Variants in DDX43 observed in about 807,000 individuals in gnomAD.
The protein encoded by DDX43 is DEAD-box helicase 43.
Under a neutral mutation model 84.9 loss-of-function variants are expected in DDX43, and 50 were observed. The observed-to-expected ratio is 0.59, with a 90% CI of 0.47 to 0.75. DDX43 has a LOEUF of 0.75. Among genes scored for constraint, DDX43 ranks in the 30% least tolerant of loss-of-function variants. The pLI, the probability that DDX43 is intolerant of heterozygous loss-of-function variation, is 0.00. For synonymous variants in DDX43, 291 were observed against 266.3 expected (o/e 1.09, Z -0.90); for missense variants, 689 against 798.6 (o/e 0.86, Z 1.65).
chr6:73,408,651 G>C (rs759151359), intron 9 of DDX43, among the ~76,000 whole-genome samples: 6 of 151,804 alleles, frequency 4.0e-5, no homozygotes, highest in Non-Finnish European at 7.4e-5. Flanking sequence ...TCGCCTCCCA[G>C]GTTCAAGTGA....
Position 73,405,695 on chromosome 6 carries a change from A to G in DDX43, c.667A>G (p.Ile223Val), listed in dbSNP as rs756274624. Reference protein sequence around the residue: ...ADSWRKENFNITWDDLKDGEK... With the variant: ...ADSWRKENFNVTWDDLKDGEK... ...TCTTTGAAGGAAAGAAAATTTTAAT[A>G]TAACGTGGGATGACTTGAAGGATGG... The change falls in exon 6 of 17, where the codon ATA becomes GTA. Residue 223 changes from isoleucine to valine, a missense_variant. Transcript: ENST00000370336. The G allele has an allele frequency of 1.6e-5, 25 of 1,612,158 alleles. No homozygotes were observed. The highest frequency in any genetic ancestry group is 9.4e-5 in the African/African-American group (7 of 74,754).
At chr6:73,395,483 G>T (rs1389265325) in intron 1 of DDX43, among the ~76,000 whole-genome samples, 1 of 151,820 alleles carries the variant, frequency 6.6e-6, no homozygotes, top group African/African-American at 2.4e-5. Context: ...GCGTGGTGGC[G>T]CGCGCCTGTA....
At chr6:73,405,421 T>C (rs1769657238) in intron 5 of DDX43, among the ~76,000 whole-genome samples, 1 of 152,248 alleles carries the variant, frequency 6.6e-6, no homozygotes, top group Non-Finnish European at 1.5e-5. Context: ...ATTTTCAGGC[T>C]CCTCATCTTT....
Position 73,401,924 on chromosome 6 carries a change from C to G in DDX43, c.502C>G (p.Arg168Gly), listed in dbSNP as rs541292561. Residue 168 changes from arginine (R) to glycine (G), a missense_variant, in exon 4 of 17, where the codon CGG becomes GGG. Transcript: ENST00000370336. ...AGATAACAATGTTGTTGCAGGAGAT[C>G]GGCCATTGATAGATTGGGATCAAAT... is the stretch of plus-strand genomic sequence containing the variant. ...STDNNVVAGDRPLIDWDQIRE... is the reference protein window; with the variant it reads ...STDNNVVAGDGPLIDWDQIRE... 3.1e-6 allele frequency: 5 copies of G among 1,613,884 alleles called. No homozygotes were observed. The highest frequency in any genetic ancestry group is 2.7e-5 in the African/African-American group (2 of 74,968).
At chr6:73,410,306 A>G (rs1308684299) in intron 10 of DDX43, among the ~76,000 whole-genome samples, 1 of 152,084 alleles carries the variant, frequency 6.6e-6, no homozygotes, top group Non-Finnish European at 1.5e-5. Context: ...AGCTGGGACT[A>G]CAGGCACACG....
chr6:73,397,754 C>CT lies in DDX43; in HGVS notation c.306+11dup. On this transcript the variant is annotated intron_variant, in intron 2 of 16. Coordinates refer to ENST00000370336, the MANE Select transcript of DDX43 (RefSeq NM_018665.3). ...AAACACCACAATCCAAGTAAGCCAT[C>CT]TGTGTTTTTCGGCCCTTAAGAGAGC... is the stretch of plus-strand genomic sequence containing the variant. The CT allele has an allele frequency of 1.2e-6, 2 of 1,613,118 alleles. No individual in the cohort carries two copies. The highest frequency in any genetic ancestry group is 1.6e-4 in the Middle Eastern group (1 of 6,062).
chr6:73,405,699 C>A lies in DDX43; in HGVS notation c.671C>A (p.Thr224Lys). 1 of 1,613,628 alleles carries A rather than the reference C, an allele frequency of 6.2e-7. No homozygotes were observed. Among genetic ancestry groups the A allele is most frequent in the Non-Finnish European group, 8.5e-7 (1 of 1,179,836 alleles). The change falls in exon 6 of 17, where the codon ACG (threonine) becomes AAG (lysine). Residue 224 changes from threonine to lysine, a missense_variant. Coordinates refer to ENST00000370336, the MANE Select transcript of DDX43 (RefSeq NM_018665.3). ...DSWRKENFNI[T>K]WDDLKDGEKR... ...TGAAGGAAAGAAAATTTTAATATAA[C>A]GTGGGATGACTTGAAGGATGGGGAG...
intron 10 of DDX43, among the ~76,000 whole-genome samples, chr6:73,410,011 CAA>C (rs983347893): frequency 1.7e-5 from 2 of 118,966 alleles, no homozygotes; most frequent in African/African-American, 3.3e-5. Context: ...GTCTGGGCAA[CAA>C]GAGTGAAAAT....
At chr6:73,407,663 A>G in intron 8 of DDX43, 48 bp downstream of exon 8, 1 of 1,286,150 alleles carries the variant, frequency 7.8e-7, no homozygotes, top group East Asian at 2.3e-5. Flanking sequence ...TATTTTAATC[A>G]TTTGTAGCTT....
At position 73,395,083 on chromosome 6, in the gene DDX43, G is replaced by A. The variant is rs774162904; in HGVS notation, c.178G>A (p.Ala60Thr). ...RWRGTSRPPE[A>T]VAAGHEELPL... Reference sequence around the variant, plus strand: ...GAGAGGCACCTCTAGGCCCCCGGAGGCCGTGGCCGCTGGTCACGAGGAACT... The same window carrying A: ...GAGAGGCACCTCTAGGCCCCCGGAGACCGTGGCCGCTGGTCACGAGGAACT... The change falls in exon 1 of 17, where the codon GCC (alanine) becomes ACC (threonine). Residue 60 changes from alanine (A) to threonine (T), a missense_variant. Around this residue, in one of 2 missense-constraint regions of DDX43, gnomAD observed 137 missense variants for 105.9 expected, o/e 1.29. Transcript: ENST00000370336. 2.1e-5 allele frequency: 34 copies of A among 1,614,184 alleles called. No homozygotes were observed. The highest frequency in any genetic ancestry group is 2.6e-5 in the Non-Finnish European group (31 of 1,179,994).
At chr6:73,401,636 A>G (rs1025170712) in intron 3 of DDX43, among the ~76,000 whole-genome samples, 1 of 152,050 alleles carries the variant, frequency 6.6e-6, no homozygotes, top group Non-Finnish European at 1.5e-5. Context: ...CCCCGTCTCT[A>G]CTATAAAATA....
intron 7 of DDX43, 145 bp downstream of exon 7, chr6:73,406,627 T>A (rs1582638679): frequency 1.7e-6 from 1 of 573,678 alleles, no homozygotes; most frequent in East Asian, 3.1e-5. Flanking sequence ...ACACTTAGAT[T>A]GTGCTGGTGA....
chr6:73,401,828 A>T, intron 3 of DDX43, 31 bp from the exon 4 acceptor site: 1 of 1,567,622 alleles, frequency 6.4e-7, no homozygotes. Context: ...AAAAATAGAA[A>T]AAAACTAATC....
chr6:73,407,848 C>G (rs1468187295), intron 8 of DDX43, 112 bp from the exon 9 acceptor site: 2 of 1,040,800 alleles, frequency 1.9e-6, no homozygotes, highest in East Asian at 2.4e-5. Context: ...CAGAAAGGGG[C>G]AGATACCCCT....
At chr6:73,396,442 T>C (rs527473292) in intron 1 of DDX43, among the ~76,000 whole-genome samples, 2 of 152,156 alleles carry the variant, frequency 1.3e-5, no homozygotes, top group African/African-American at 2.4e-5. Context: ...ACCCAGAGAC[T>C]CATTGGCCTT....
At position 73,394,917 on chromosome 6, in the gene DDX43, C is replaced by G; in HGVS notation, c.12C>G (p.His4Gln). 6.2e-7 allele frequency: 1 copy of G among 1,614,184 alleles called. No individual in the cohort carries two copies. The highest frequency in any genetic ancestry group is 8.5e-7 in the Non-Finnish European group (1 of 1,180,012). Reference sequence around the variant, plus strand: ...CCCTTCTTGGAACAATGTCCCACCACGGAGGAGCTCCCAAGGCCTCTACGT... The same window carrying G: ...CCCTTCTTGGAACAATGTCCCACCAGGGAGGAGCTCCCAAGGCCTCTACGT... MSH[H>Q]GGAPKASTWV... Residue 4 changes from histidine (H) to glutamine (Q), a missense_variant, in exon 1 of 17, where the codon CAC (histidine) becomes CAG (glutamine). This residue lies in a region of DDX43 where 137 missense variants were observed against 105.9 expected (regional missense o/e 1.29). Transcript: ENST00000370336.
At chr6:73,405,908 A>T in intron 6 of DDX43, 73 bp downstream of exon 6, 1 of 1,399,174 alleles carries the variant, frequency 7.1e-7, no homozygotes, top group South Asian at 1.3e-5. Context: ...TTGTTAGAAG[A>T]CTCCAGGGAG....
Position 73,407,600 on chromosome 6 carries a change from A to T in DDX43, c.1022A>T (p.Tyr341Phe), listed in dbSNP as rs1310496197. ...QVEGECCKYS[Y>F]KGLRSVCVYG... is the part of the protein sequence containing the mutation. ...GAAGGAGAATGTTGCAAATATTCAT[A>T]TAAAGGGCTTCGGAGGTAAGTAATT... Residue 341 changes from tyrosine (Y) to phenylalanine (F), a missense_variant, in exon 8 of 17, where the codon TAT (tyrosine) becomes TTT (phenylalanine). By Grantham distance (22) the Tyr-to-Phe change is conservative (BLOSUM62 3). Coordinates refer to ENST00000370336, the MANE Select transcript of DDX43 (RefSeq NM_018665.3). 2.4e-5 allele frequency: 38 copies of T among 1,610,848 alleles called. No individual in the cohort carries two copies. Among genetic ancestry groups the T allele is most frequent in the African/African-American group, 4.0e-5 (3 of 74,868 alleles).
chr6:73,413,927 T>G (rs1186445653), intron 12 of DDX43, 43 bp from the exon 13 acceptor site: 1 of 1,536,998 alleles, frequency 6.5e-7, no homozygotes, highest in Admixed American at 1.8e-5. Context: ...CTGGTGGCAT[T>G]AGAATAAGCA....
Sources: gnomAD v4.1 joint callset for allele counts (sites outside exome capture counted in the v4.1 genomes callset) on GRCh38, gnomAD v4.1.1 for gene constraint, gnomAD v4.1.1 regional missense constraint, MANE v1.5 for transcripts, NCBI Gene and HGNC (gene_info 2026-07-23, HGNC 2026-07-21) for gene names.